Variants in MTMR9 observed in about 807,000 individuals in gnomAD.
The protein encoded by MTMR9 is myotubularin related protein 9.
In MTMR9, 39 loss-of-function variants were observed where a neutral mutation model predicts 69.5. That is an observed-to-expected ratio of 0.56 (90% CI 0.43 to 0.73). The LOEUF (loss-of-function observed/expected upper bound fraction) is 0.73. Ranked by LOEUF, MTMR9 falls within the 30% of genes least tolerant of loss-of-function variation. The pLI is 0.00. For missense variants in MTMR9, 900 were observed against 671.2 expected (o/e 1.34, Z -3.77); for synonymous variants, 354 against 240.8 (o/e 1.47, Z -4.35).
chr8:11,318,886 T>A (rs1563285348), intron 8 of MTMR9: 3 of 152,110 alleles, frequency 2.0e-5, no homozygotes, highest in Non-Finnish European at 4.4e-5. Flanking sequence ...CCTCCACTTT[T>A]AATATTAGTA....
At chr8:11,297,793 G>A (rs919152156) in intron 2 of MTMR9, 30 of 448,120 alleles carry the variant, frequency 6.7e-5, no homozygotes, top group African/African-American at 2.4e-4. Context: ...AAAAGAAGCC[G>A]TAAATTATGA....
At chr8:11,313,647 T>C (rs1800293676) in intron 6 of MTMR9, among the ~76,000 whole-genome samples, 1 of 152,174 alleles carries the variant, frequency 6.6e-6, no homozygotes. Flanking sequence ...ATCCCTGGAA[T>C]AGAGAGTCTC....
the MTMR9 span, among the ~76,000 whole-genome samples, chr8:11,334,207 G>C: frequency 1.3e-5 from 2 of 152,126 alleles, no homozygotes; most frequent in African/African-American, 4.8e-5. Flanking sequence ...GCAGAAAAAT[G>C]GACTAAGACA....
At chr8:11,309,180 A>G (rs1800090564) in intron 5 of MTMR9, among the ~76,000 whole-genome samples, 1 of 152,040 alleles carries the variant, frequency 6.6e-6, no homozygotes. Flanking sequence ...CTCTAGTGTT[A>G]GATCGGTGGG....
intron 8 of MTMR9, chr8:11,318,592 C>A (rs540935651): frequency 6.6e-6 from 1 of 152,154 alleles, no homozygotes; most frequent in African/African-American, 2.4e-5. Flanking sequence ...AGGTTTACCA[C>A]AGACTGTCTT....
At chr8:11,292,891 T>G (rs1432640204) in intron 1 of MTMR9, among the ~76,000 whole-genome samples, 3 of 152,218 alleles carry the variant, frequency 2.0e-5, no homozygotes, top group Admixed American at 2.0e-4. Context: ...CACATACCAT[T>G]GCATACATCA....
intron 2 of MTMR9, chr8:11,297,942 G>A (rs1209271790): frequency 2.2e-6 from 1 of 456,144 alleles, no homozygotes; most frequent in Non-Finnish European, 4.4e-6. Context: ...AATACATCTG[G>A]ACACGATTTG....
the MTMR9 span, among the ~76,000 whole-genome samples, chr8:11,334,394 A>G: frequency 6.6e-6 from 1 of 152,226 alleles, no homozygotes. Context: ...ACAGAGCTGT[A>G]TAGGCATACG....
chr8:11,307,610 G>C (rs1332463004), intron 5 of MTMR9, among the ~76,000 whole-genome samples: 3 of 152,136 alleles, frequency 2.0e-5, no homozygotes, highest in Non-Finnish European at 4.4e-5. Context: ...TTAATGTTTT[G>C]AGGAGCCTCC....
intron 2 of MTMR9, among the ~76,000 whole-genome samples, chr8:11,299,323 C>G: frequency 6.6e-6 from 1 of 152,192 alleles, no homozygotes; most frequent in East Asian, 1.9e-4. Flanking sequence ...AAAACTCTGT[C>G]TCAGAATAAA....
the MTMR9 span, among the ~76,000 whole-genome samples, chr8:11,333,268 C>T: frequency 1.3e-5 from 2 of 152,148 alleles, no homozygotes; most frequent in African/African-American, 2.4e-5. Flanking sequence ...ATCAACTCAT[C>T]ACATTACAAG....
intron 3 of MTMR9, among the ~76,000 whole-genome samples, chr8:11,304,228 T>C (rs933318186): frequency 6.6e-6 from 1 of 152,224 alleles, no homozygotes; most frequent in African/African-American, 2.4e-5. Flanking sequence ...TTGGTACTGT[T>C]TTAAGAAAGG....
Position 11,316,850 on chromosome 8 carries a change from G to T in MTMR9, c.1291G>T (p.Ala431Ser), listed in dbSNP as rs1336428499. Reference protein sequence around the residue: ...FLIMLFEHAYASQFGTFLGNN... With the variant: ...FLIMLFEHAYSSQFGTFLGNN... ...CATCATGCTCTTTGAGCATGCTTAT[G>T]CCTCACAGTTTGGAACATTTCTGGG... The change falls in exon 8 of 10, where the codon GCC becomes TCC. Residue 431 changes from alanine (A) to serine (S), a missense_variant. Coordinates refer to ENST00000221086, the MANE Select transcript of MTMR9 (RefSeq NM_015458.4). 1.2e-6 allele frequency: 2 copies of T among 1,612,358 alleles called. No homozygotes were observed. The highest frequency in any genetic ancestry group is 1.7e-6 in the Non-Finnish European group (2 of 1,179,182).
intron 9 of MTMR9, chr8:11,321,563 G>T (rs914221581): frequency 2.2e-6 from 1 of 452,786 alleles, no homozygotes; most frequent in Admixed American, 2.4e-5. Context: ...CTGCCATGCC[G>T]GAGTTTCAGT....
At chr8:11,309,275 C>T (rs1437545149) in intron 5 of MTMR9, among the ~76,000 whole-genome samples, 1 of 152,170 alleles carries the variant, frequency 6.6e-6, no homozygotes, top group African/African-American at 2.4e-5. Context: ...GTCAGATAAT[C>T]CAGGTATGTG....
At chr8:11,298,320 C>T (rs934046981) in intron 2 of MTMR9, among the ~76,000 whole-genome samples, 10 of 152,026 alleles carry the variant, frequency 6.6e-5, no homozygotes, top group African/African-American at 2.4e-4. Flanking sequence ...CAGACATGGA[C>T]GCTGGCTGTT....
intron 8 of MTMR9, 48 bp from the exon 9 acceptor site, chr8:11,319,639 G>T: frequency 6.3e-7 from 1 of 1,596,204 alleles, no homozygotes; most frequent in South Asian, 1.1e-5. Context: ...ACTCAATAAT[G>T]GTTGTTATAA....
At chr8:11,288,031 AAT>A (rs1259449847) in intron 1 of MTMR9, among the ~76,000 whole-genome samples, 13 of 125,066 alleles carry the variant, frequency 1.0e-4, no homozygotes, top group Admixed American at 3.9e-4. Flanking sequence ...TATGATATAT[AAT>A]ATATATTATA....
At chr8:11,319,556 T>G in intron 8 of MTMR9, 131 bp from the exon 9 acceptor site, 3 of 912,812 alleles carry the variant, frequency 3.3e-6, no homozygotes, top group Non-Finnish European at 3.3e-6. Flanking sequence ...TTTTCAACAC[T>G]TTGTTTCTCT....
Sources: gnomAD v4.1 joint callset for allele counts (sites outside exome capture counted in the v4.1 genomes callset) on GRCh38, gnomAD v4.1.1 for gene constraint, MANE v1.5 for transcripts, NCBI Gene and HGNC (gene_info 2026-07-23, HGNC 2026-07-21) for gene names.